SSH2: variants seen among roughly 807,000 people sequenced by gnomAD.
SSH2 encodes the protein protein phosphatase Slingshot homolog 2.
SSH2 carries 37 observed loss-of-function variants against 135.2 expected under a neutral mutation model. That is an observed-to-expected ratio of 0.27 (90% confidence interval 0.21 to 0.36). The LOEUF is 0.36. SSH2 is among the 10% of genes least tolerant of loss of function. SSH2 has a pLI of 1.00. For missense variants in SSH2, 1,408 were observed against 1,765.3 expected, an observed-to-expected ratio of 0.80 and a Z score of 3.63; for synonymous variants, 628 against 646.2, an observed-to-expected ratio of 0.97 and a Z score of 0.43.
chr17:29,714,084 ATTCTAGATGTAAATACT>A, intron 3 of SSH2, among the ~76,000 whole-genome samples: 1 of 152,280 alleles, frequency 6.6e-6, no homozygotes, highest in East Asian at 1.9e-4. Context: ...GCAGCCCTAA[ATTCTAGATGTAAATACT>A]TTTTCAAAAT....
At chr17:29,706,804 A>G (rs2039218510) in intron 3 of SSH2, among the ~76,000 whole-genome samples, 1 of 152,238 alleles carries the variant, frequency 6.6e-6, no homozygotes, top group Non-Finnish European at 1.5e-5. Context: ...ACAACTGAAC[A>G]TACTTCAGTC....
intron 3 of SSH2, among the ~76,000 whole-genome samples, chr17:29,768,815 AT>A (rs1477429901): frequency 6.6e-6 from 1 of 152,154 alleles, no homozygotes; most frequent in Admixed American, 6.5e-5. Flanking sequence ...ATGGGAAGTG[AT>A]TTTGGGAGTA....
At chr17:29,682,577 C>T (rs189889506) in intron 6 of SSH2, among the ~76,000 whole-genome samples, 2 of 151,990 alleles carry the variant, frequency 1.3e-5, no homozygotes, top group South Asian at 2.1e-4. Context: ...GAGTTGAGAC[C>T]AGCCTGGGCA....
At chr17:29,714,657 T>C (rs1392984566) in intron 3 of SSH2, among the ~76,000 whole-genome samples, 1 of 151,984 alleles carries the variant, frequency 6.6e-6, no homozygotes, top group Non-Finnish European at 1.5e-5. Context: ...AATTTTCTCA[T>C]CCTCTTGGTC....
chr17:29,737,130 A>G (rs1035814796), intron 3 of SSH2, among the ~76,000 whole-genome samples: 1 of 148,478 alleles, frequency 6.7e-6, no homozygotes, highest in Non-Finnish European at 1.5e-5. Flanking sequence ...AAAAAAGGCT[A>G]ATTTTTGTAA....
At chr17:29,902,872 G>T (rs1253174472) in intron 1 of SSH2, among the ~76,000 whole-genome samples, 1 of 151,994 alleles carries the variant, frequency 6.6e-6, no homozygotes, top group African/African-American at 2.4e-5. Context: ...TAAAAACATA[G>T]AATTCAATTT....
chr17:29,829,537 C>T (rs1437493387), intron 2 of SSH2, among the ~76,000 whole-genome samples: 11 of 152,108 alleles, frequency 7.2e-5, no homozygotes, highest in Non-Finnish European at 4.4e-5. Flanking sequence ...AGCCTGGGTT[C>T]TTCCTTCGCT....
chr17:29,695,345 C>G, intron 5 of SSH2, 114 bp downstream of exon 5: 1 of 708,430 alleles, frequency 1.4e-6, no homozygotes, highest in Non-Finnish European at 2.3e-6. Context: ...ATTATCTTCT[C>G]TCTTACTTCA....
At chr17:29,648,018 G>T in intron 14 of SSH2, 126 bp downstream of exon 14, 1 of 929,370 alleles carries the variant, frequency 1.1e-6, no homozygotes. Context: ...GATTGATAGA[G>T]AAATAAGTCT....
At chr17:29,796,561 C>T (rs896664697) in intron 2 of SSH2, among the ~76,000 whole-genome samples, 11 of 152,080 alleles carry the variant, frequency 7.2e-5, no homozygotes, top group African/African-American at 4.8e-5. Flanking sequence ...AGGCTGGTCT[C>T]GAACTCCTGA....
chr17:29,841,522 T>C (rs1289831472), intron 2 of SSH2, among the ~76,000 whole-genome samples: 2 of 152,208 alleles, frequency 1.3e-5, no homozygotes, highest in Non-Finnish European at 2.9e-5. Context: ...CCAAGGAATT[T>C]CACTGAATAG....
At chr17:29,887,717 G>A (rs1472424472) in intron 1 of SSH2, among the ~76,000 whole-genome samples, 1 of 152,124 alleles carries the variant, frequency 6.6e-6, no homozygotes, top group Non-Finnish European at 1.5e-5. Flanking sequence ...CAGAAACCTG[G>A]TCATCATAGT....
At chr17:29,895,319 TATTTTATATATAC>T (rs1348309106) in intron 1 of SSH2, among the ~76,000 whole-genome samples, 1 of 80,476 alleles carries the variant, frequency 1.2e-5, no homozygotes, top group Non-Finnish European at 2.2e-5. Context: ...ATATAAAATA[TATTTTATATATAC>T]ATTTTATATA....
intron 3 of SSH2, among the ~76,000 whole-genome samples, chr17:29,734,993 C>T (rs1171252483): frequency 1.3e-5 from 2 of 151,868 alleles, no homozygotes; most frequent in Non-Finnish European, 2.9e-5. Context: ...AATCAAATAC[C>T]TAAAGCACTC....
chr17:29,832,177 T>C (rs1410249952), intron 2 of SSH2, among the ~76,000 whole-genome samples: 1 of 152,220 alleles, frequency 6.6e-6, no homozygotes, highest in Non-Finnish European at 1.5e-5. Flanking sequence ...GGGGTCTCGC[T>C]CTGTTGCCCA....
At chr17:29,906,772 C>T (rs2066660706) in intron 1 of SSH2, among the ~76,000 whole-genome samples, 1 of 152,188 alleles carries the variant, frequency 6.6e-6, no homozygotes, top group Non-Finnish European at 1.5e-5. Flanking sequence ...AAAAGCTCAA[C>T]ATCACTGATC....
intron 5 of SSH2, among the ~76,000 whole-genome samples, chr17:29,690,833 T>C (rs551933181): frequency 1.3e-5 from 2 of 152,206 alleles, no homozygotes; most frequent in Admixed American, 1.3e-4. Context: ...CATGATAAAC[T>C]ATGAAGAAAG....
chr17:29,726,603 T>C (rs2040010331), intron 3 of SSH2, among the ~76,000 whole-genome samples: 1 of 152,234 alleles, frequency 6.6e-6, no homozygotes, highest in South Asian at 2.1e-4. Context: ...CCATGGGGGC[T>C]ATTTGTCTAG....
At chr17:29,737,120 A>C (rs1049051735) in intron 3 of SSH2, among the ~76,000 whole-genome samples, 3 of 150,800 alleles carry the variant, frequency 2.0e-5, no homozygotes, top group Admixed American at 6.6e-5. Context: ...AAAAAAAAAA[A>C]AAAAAGGCTA....
Sources: allele counts gnomAD v4.1 joint callset (sites outside exome capture counted in the v4.1 genomes callset), GRCh38; gene constraint gnomAD v4.1.1; transcripts MANE v1.5; gene names NCBI Gene and HGNC (gene_info 2026-07-23, HGNC 2026-07-21).